The following ROBO2 variants were observed in gnomAD, a reference collection of about 807,000 sequenced individuals.
ROBO2 encodes roundabout guidance receptor 2, also known as roundabout homolog 2.
ROBO2 carries 53 observed loss-of-function variants against 160.8 expected under a neutral mutation model. The ratio of observed to expected loss-of-function variants is 0.33; its 90% CI spans 0.26 to 0.41. ROBO2 has a LOEUF of 0.41. Among genes scored for constraint, ROBO2 ranks in the 10% least tolerant of loss-of-function variants. The pLI, the probability that ROBO2 is intolerant of heterozygous loss-of-function variation, is 1.00. For missense variants in ROBO2, 1,577 were observed against 1,722.4 expected (o/e 0.92, Z 1.49); for synonymous variants, 664 against 611.7 (o/e 1.09, Z -1.26).
chr3:76,749,603 G>A (rs1229247478), intron 2 of ROBO2, among the ~76,000 whole-genome samples: 1 of 151,900 alleles, frequency 6.6e-6, no homozygotes, highest in Non-Finnish European at 1.5e-5. Context: ...GCAAAGGTAT[G>A]GAGTTCAAAA....
chr3:76,555,755 G>A (rs1323557933), intron 2 of ROBO2, among the ~76,000 whole-genome samples: 1 of 151,990 alleles, frequency 6.6e-6, no homozygotes, highest in Non-Finnish European at 1.5e-5. Flanking sequence ...TTAGTTAAGA[G>A]GTTCTCAAAC....
chr3:77,127,583 A>G (rs1302082051), intron 2 of ROBO2, among the ~76,000 whole-genome samples: 1 of 152,196 alleles, frequency 6.6e-6, no homozygotes, highest in Non-Finnish European at 1.5e-5. Flanking sequence ...GAAGATTTTC[A>G]TTGTGTGGGT....
At chr3:76,045,756 G>C (rs1460740876) in intron 2 of ROBO2, among the ~76,000 whole-genome samples, 2 of 151,964 alleles carry the variant, frequency 1.3e-5, no homozygotes, top group African/African-American at 2.4e-5. Context: ...AGTATTTCAG[G>C]AATCTTTGCT....
At chr3:77,263,389 A>T (rs538266834) in intron 2 of ROBO2, among the ~76,000 whole-genome samples, 8 of 152,094 alleles carry the variant, frequency 5.3e-5, no homozygotes, top group Admixed American at 1.3e-4. Flanking sequence ...ATTTTTCCTG[A>T]TCCTCTTCTT....
At chr3:75,933,562 G>T (rs1478476200) in intron 1 of ROBO2, among the ~76,000 whole-genome samples, 1 of 151,702 alleles carries the variant, frequency 6.6e-6, no homozygotes, top group African/African-American at 2.4e-5. Context: ...GACACTAGAA[G>T]CTAACTAGAG....
intron 2 of ROBO2, among the ~76,000 whole-genome samples, chr3:76,820,600 A>T (rs1470542716): frequency 1.3e-5 from 2 of 152,066 alleles, no homozygotes; most frequent in Admixed American, 1.3e-4. Context: ...TAAATTACAC[A>T]AAATGATAGT....
At chr3:76,571,023 T>C (rs1163197074) in intron 2 of ROBO2, among the ~76,000 whole-genome samples, 1 of 152,194 alleles carries the variant, frequency 6.6e-6, no homozygotes. Flanking sequence ...TAAAATATCA[T>C]GTGCTTCATA....
chr3:76,104,315 T>C (rs1425671385), intron 2 of ROBO2, among the ~76,000 whole-genome samples: 2 of 152,210 alleles, frequency 1.3e-5, no homozygotes, highest in African/African-American at 4.8e-5. Context: ...TTTACTTACA[T>C]AACACCAAGA....
intron 2 of ROBO2, among the ~76,000 whole-genome samples, chr3:76,519,850 C>T (rs923452546): frequency 9.9e-5 from 15 of 152,202 alleles, no homozygotes; most frequent in Admixed American, 2.0e-4. Flanking sequence ...CTTTTCCCAG[C>T]GCTCTGATGC....
chr3:76,063,626 A>T (rs1354639556), intron 2 of ROBO2, among the ~76,000 whole-genome samples: 1 of 151,990 alleles, frequency 6.6e-6, no homozygotes, highest in Admixed American at 6.6e-5. Context: ...GATTACAGGC[A>T]TAAGCCACTG....
intron 2 of ROBO2, among the ~76,000 whole-genome samples, chr3:77,007,868 CT>C (rs899474692): frequency 8.6e-5 from 13 of 151,818 alleles, no homozygotes; most frequent in African/African-American, 2.2e-4. Flanking sequence ...TCCAAATGGA[CT>C]TTTTTTATGG....
intron 1 of ROBO2, among the ~76,000 whole-genome samples, chr3:75,910,486 A>C (rs1946527916): frequency 6.6e-6 from 1 of 152,202 alleles, no homozygotes; most frequent in Non-Finnish European, 1.5e-5. Context: ...ATGGGACATA[A>C]TATACTAGGG....
chr3:77,258,185 G>T (rs886103224), intron 2 of ROBO2, among the ~76,000 whole-genome samples: 6 of 152,188 alleles, frequency 3.9e-5, no homozygotes, highest in East Asian at 1.9e-4. Flanking sequence ...TTTGAAAGGC[G>T]CATGTAGTTC....
intron 2 of ROBO2, chr3:77,317,443 C>G (rs1245045900): frequency 1.3e-6 from 2 of 1,514,306 alleles, no homozygotes; most frequent in Non-Finnish European, 1.8e-6. Flanking sequence ...TCCAGACTGC[C>G]CGTCACTTTG....
intron 2 of ROBO2, among the ~76,000 whole-genome samples, chr3:77,239,236 G>C (rs911017576): frequency 1.3e-5 from 2 of 152,044 alleles, no homozygotes; most frequent in African/African-American, 4.8e-5. Flanking sequence ...TGTTGGGTTC[G>C]TGGTCTCGCT....
At chr3:77,611,343 A>G (rs375455169) in intron 21 of ROBO2, among the ~76,000 whole-genome samples, 12 of 151,742 alleles carry the variant, frequency 7.9e-5, no homozygotes, top group African/African-American at 2.7e-4. Flanking sequence ...ATAATCTAAG[A>G]AGACGTTTTG....
chr3:77,164,418 C>T (rs373379505), intron 2 of ROBO2, among the ~76,000 whole-genome samples: 3,215 of 78,686 alleles, frequency 0.041, 151 homozygotes, highest in Middle Eastern at 0.11. Context: ...CGGCCAGCCG[C>T]CCCGTCCGGG....
Position 77,568,446 on chromosome 3 carries a change from A to G in ROBO2, c.1971+12A>G. 2 of 1,612,618 alleles carry G rather than the reference A, an allele frequency of 1.2e-6. No homozygotes were observed. The highest frequency in any genetic ancestry group is 4.5e-5 in the East Asian group (2 of 44,814). Reference sequence around the variant, plus strand: ...AGGTCACATGGACGGTAAGCTTTCAAAGGCAATGTTAATAGTAATCTCTTC... The same window carrying G: ...AGGTCACATGGACGGTAAGCTTTCAGAGGCAATGTTAATAGTAATCTCTTC... On this transcript the variant is annotated intron_variant, in intron 13 of 25. Coordinates refer to ENST00000461745, the Ensembl canonical transcript of ROBO2.
Position 76,823,147 on chromosome 3 carries a change from C to A in ROBO2, c.110-274867C>A, listed in dbSNP as rs187650326. ...TGATGCTTAAATTTTCTCAGCTTTGCTTAGTGGCAGCCTCTTCAGGTTGAT... is the reference window on the plus strand; with the variant it reads ...TGATGCTTAAATTTTCTCAGCTTTGATTAGTGGCAGCCTCTTCAGGTTGAT... On this transcript the variant is annotated intron_variant, in intron 2 of 26. Coordinates refer to the ROBO2 transcript ENST00000487694. Among the ~76,000 whole-genome samples the A allele has an allele frequency of 2.8e-3, 428 of 152,178 alleles. 3 individuals are homozygous for A. The highest frequency in any genetic ancestry group is 9.8e-3 in the African/African-American group (406 of 41,560).
Sources: gnomAD v4.1 joint callset for allele counts (sites outside exome capture counted in the v4.1 genomes callset) on GRCh38, gnomAD v4.1.1 for gene constraint, MANE v1.5 for transcripts, NCBI Gene and HGNC (gene_info 2026-07-23, HGNC 2026-07-21) for gene names.